DYNC2H1: variants seen among roughly 807,000 people sequenced by gnomAD.
The protein encoded by DYNC2H1 is cytoplasmic dynein 2 heavy chain 1.
DYNC2H1 carries 410 observed loss-of-function variants against 570.0 expected under a neutral mutation model. The ratio of observed to expected loss-of-function variants is 0.72; its 90% confidence interval spans 0.66 to 0.78. The LOEUF is 0.78. Ranked by LOEUF, DYNC2H1 falls within the 30% of genes least tolerant of loss-of-function variation. The pLI is 0.00. For missense variants in DYNC2H1, 4,865 were observed against 5,046.4 expected (o/e 0.96, Z 1.09); for synonymous variants, 1,688 against 1,677.6 (o/e 1.01, Z -0.15).
At chr11:103,271,646 A>G (rs1012960374) in intron 70 of DYNC2H1, among the ~76,000 whole-genome samples, 1 of 152,208 alleles carries the variant, frequency 6.6e-6, no homozygotes, top group Non-Finnish European at 1.5e-5. Flanking sequence ...TTTACTGTAT[A>G]TCAGGTAGTT....
rs750409050 is a variant in DYNC2H1 at position 103,287,576 on chromosome 11, C to T, written c.11066C>T (p.Ala3689Val). The part of the protein sequence containing the change: ...QALRPDRLQS[A>V]MALFACKTLG... The stretch of plus-strand genomic sequence containing the variant: ...CTAAGACCGGACAGATTGCAAAGTG[C>T]CATGGCTCTTTTTGCATGTAAAACT... Residue 3689 changes from alanine (A) to valine (V), a missense_variant, in exon 75 of 89, where the codon GCC becomes GTC. Physicochemically the swap from Ala to Val is moderately conservative, Grantham distance 64. Transcript: ENST00000375735. The T allele has an allele frequency of 1.2e-6, 2 of 1,611,548 alleles. No homozygotes were observed. The highest frequency in any genetic ancestry group is 1.7e-6 in the Non-Finnish European group (2 of 1,178,712).
chr11:103,258,242 G>T (rs749505804), intron 69 of DYNC2H1, among the ~76,000 whole-genome samples: 3 of 152,134 alleles, frequency 2.0e-5, no homozygotes, highest in Non-Finnish European at 2.9e-5. Flanking sequence ...ACAATACTGT[G>T]CTTTAAAAAG....
Position 103,133,479 on chromosome 11 carries a change from C to G in DYNC2H1, c.1954-76C>G. 7.1e-7 allele frequency: 1 copy of G among 1,417,406 alleles called. No individual in the cohort carries two copies. The highest frequency in any genetic ancestry group is 9.5e-7 in the Non-Finnish European group (1 of 1,048,890). 87.8% of individuals were successfully genotyped at this position (1,417,406 alleles called of 1,614,324 possible). Reference sequence around the variant, plus strand: ...CAGGTCAGAGTTGGGGATAGTTGAACTTTTGATATAGAATATTGAAACTTT... The same window carrying G: ...CAGGTCAGAGTTGGGGATAGTTGAAGTTTTGATATAGAATATTGAAACTTT... On this transcript the variant is annotated intron_variant, in intron 13 of 88. Coordinates refer to ENST00000375735, the MANE Select transcript of DYNC2H1 (RefSeq NM_001377.3). The surrounding 1 kb of genome is among the most constrained non-coding windows in gnomAD (Gnocchi z 4.8).
At chr11:103,210,038 A>G (rs959545239) in intron 53 of DYNC2H1, 78 bp downstream of exon 53, 13 of 1,325,576 alleles carry the variant, frequency 9.8e-6, no homozygotes, top group Non-Finnish European at 1.2e-5. Context: ...CAGATCCATT[A>G]AAGATTCATG....
chr11:103,432,794 C>T (rs1943939154), intron 84 of DYNC2H1, among the ~76,000 whole-genome samples: 1 of 152,070 alleles, frequency 6.6e-6, no homozygotes, highest in Non-Finnish European at 1.5e-5. Flanking sequence ...CCTAATAGTA[C>T]ACTTCTGAGG....
rs1408081315 is a variant in DYNC2H1 at position 103,305,881 on chromosome 11, T to C, written c.11382+1161T>C. Among the ~76,000 whole-genome samples, 3 of 152,212 alleles carry C rather than the reference T, an allele frequency of 2.0e-5. No individual in the cohort carries two copies. Among genetic ancestry groups the C allele is most frequent in the African/African-American group, 7.2e-5 (3 of 41,460 alleles). Reference sequence around the variant, plus strand: ...TAAAAATTACTAATGTGTAAAAATATAAAATTTATGTCTGATAAATCATAT... The same window carrying C: ...TAAAAATTACTAATGTGTAAAAATACAAAATTTATGTCTGATAAATCATAT... On this transcript the variant is annotated intron_variant, in intron 77 of 88. Coordinates refer to ENST00000375735, the MANE Select transcript of DYNC2H1 (RefSeq NM_001377.3). This position sits in a 1 kb window ranked among gnomAD's most constrained non-coding sequence, Gnocchi z 4.3.
chr11:103,271,319 T>C (rs1237523026), intron 70 of DYNC2H1, among the ~76,000 whole-genome samples: 2 of 152,166 alleles, frequency 1.3e-5, no homozygotes, highest in Non-Finnish European at 2.9e-5. Context: ...TCTAATCCTT[T>C]GAGTTTTCTG....
At chr11:103,223,678 G>A (rs753660240) in intron 59 of DYNC2H1, among the ~76,000 whole-genome samples, 12 of 151,836 alleles carry the variant, frequency 7.9e-5, no homozygotes, top group African/African-American at 1.7e-4. Flanking sequence ...GGACCACCAC[G>A]CCTGGCCAAG....
chr11:103,139,883 A>G (rs1379600035), intron 17 of DYNC2H1, among the ~76,000 whole-genome samples: 2 of 152,160 alleles, frequency 1.3e-5, no homozygotes. Context: ...GACTTGCTTT[A>G]TGAATCTGGG....
chr11:103,273,226 A>G (rs941531390), intron 70 of DYNC2H1, among the ~76,000 whole-genome samples: 3 of 141,330 alleles, frequency 2.1e-5, no homozygotes, highest in Non-Finnish European at 3.0e-5. Flanking sequence ...GTCTTGCTCT[A>G]TTGCCCAGGC....
At position 103,121,389 on chromosome 11, in the gene DYNC2H1, G is replaced by T; in HGVS notation, c.1378G>T (p.Glu460Ter). 6.2e-7 allele frequency: 1 copy of T among 1,608,182 alleles called. No homozygotes were observed. Among genetic ancestry groups the T allele is most frequent in the South Asian group, 1.1e-5 (1 of 89,212 alleles). Residue 460 changes from glutamate to a stop codon, truncating the protein, a stop_gained, in exon 10 of 89, where the codon GAG (glutamate) becomes TAG (stop). Coordinates refer to ENST00000375735, the MANE Select transcript of DYNC2H1 (RefSeq NM_001377.3). LOFTEE classifies it high-confidence loss of function. ...DSIKDFRLDFENRCRGIPGDA... is the reference protein window; with the variant it reads ...DSIKDFRLDF ...TTTTATAGATTTTCGATTAGACTTT[G>T]AGAATCGGTGCCGAGGAATTCCTGG... is the stretch of plus-strand genomic sequence containing the variant.
At chr11:103,444,192 C>G (rs1188025708) in intron 85 of DYNC2H1, among the ~76,000 whole-genome samples, 1 of 151,312 alleles carries the variant, frequency 6.6e-6, no homozygotes, top group African/African-American at 2.4e-5. Flanking sequence ...CAATCTATTT[C>G]TTGAACCATA....
intron 85 of DYNC2H1, among the ~76,000 whole-genome samples, chr11:103,438,488 A>G (rs1336094209): frequency 6.6e-6 from 1 of 152,002 alleles, no homozygotes; most frequent in East Asian, 1.9e-4. Context: ...TTTCTTAAGA[A>G]AGCATAATGA....
intron 83 of DYNC2H1, among the ~76,000 whole-genome samples, chr11:103,385,797 GA>G (rs1198211989): frequency 4.6e-5 from 7 of 152,208 alleles, no homozygotes; most frequent in African/African-American, 1.7e-4. Context: ...CCTTTCAAAG[GA>G]AAGAGGACAG....
rs1038600091 is a variant in DYNC2H1, at chr11:103,129,948, C to G, written c.1953+943C>G. On this transcript the variant is annotated intron_variant, in intron 13 of 88. Transcript: ENST00000375735. This position sits in a 1 kb window ranked among gnomAD's most constrained non-coding sequence, Gnocchi z 4.1. The stretch of plus-strand genomic sequence containing the variant: ...GGATCCACAGTACTCAGTGTATGGT[C>G]ATACTCATAGCAGTATTTATTACGG... 2.6e-5 allele frequency among the ~76,000 whole-genome samples: 4 copies of G among 152,224 alleles called. No individual in the cohort carries two copies. Among genetic ancestry groups the G allele is most frequent in the Admixed American group, 1.3e-4 (2 of 15,288 alleles).
intron 85 of DYNC2H1, among the ~76,000 whole-genome samples, chr11:103,448,539 G>A (rs79303680): frequency 0.011 from 1,616 of 152,106 alleles, 19 homozygotes; most frequent in African/African-American, 0.037. Context: ...TGCCTTAGGA[G>A]GGGAAATGCA....
At chr11:103,303,592 T>C (rs1475677960) in intron 76 of DYNC2H1, among the ~76,000 whole-genome samples, 2 of 152,042 alleles carry the variant, frequency 1.3e-5, no homozygotes, top group African/African-American at 4.8e-5. Context: ...GAAGGTGCTG[T>C]GCTACTGGCT....
chr11:103,417,875 CA>C (rs57468229), intron 84 of DYNC2H1, among the ~76,000 whole-genome samples: 76,848 of 131,260 alleles, frequency 0.59, 21,247 homozygotes, highest in African/African-American at 0.73. Context: ...GACTCCATCT[CA>C]AAAAAAAAAA....
chr11:103,356,358 T>A (rs78058925), intron 82 of DYNC2H1, among the ~76,000 whole-genome samples: 5,619 of 152,256 alleles, frequency 0.037, 219 homozygotes, highest in African/African-American at 0.088. Flanking sequence ...CTTTAAAAAT[T>A]ATGATAGTAT....
Sources: gnomAD v4.1 joint callset for allele counts (sites outside exome capture counted in the v4.1 genomes callset) on GRCh38, gnomAD v4.1.1 for gene constraint, Gnocchi (gnomAD v3.1) non-coding constraint, MANE v1.5 for transcripts, NCBI Gene and HGNC (gene_info 2026-07-23, HGNC 2026-07-21) for gene names.